The following PCDH11X variants were observed in gnomAD, a reference collection of about 807,000 sequenced individuals.
The protein encoded by PCDH11X is protocadherin-11 X-linked.
In PCDH11X, 18 loss-of-function variants were observed where a neutral mutation model predicts 53.3. That is an observed-to-expected ratio of 0.34 (90% CI 0.23 to 0.50). PCDH11X has a LOEUF of 0.50. PCDH11X is among the 20% of genes least tolerant of loss of function. The pLI is 0.98. For missense variants in PCDH11X, 570 were observed against 1,032.4 expected (o/e 0.55, Z 6.14); for synonymous variants, 279 against 393.3 (o/e 0.71, Z 3.44).
At chrX:91,814,295 A>G (rs1322450225) in intron 4 of PCDH11X, among the ~76,000 whole-genome samples, 2 of 111,417 alleles carry the variant, frequency 1.8e-5, no homozygotes, top group South Asian at 3.7e-4. Context: ...ACCAATCATA[A>G]TATCTATAGA....
At chrX:92,015,096 G>A (rs184517624) in intron 6 of PCDH11X, among the ~76,000 whole-genome samples, 112 of 111,843 alleles carry the variant, frequency 1.0e-3, no homozygotes, top group East Asian at 2.2e-3. Flanking sequence ...AATAATGTGC[G>A]TATCTTAATT....
intron 10 of PCDH11X, among the ~76,000 whole-genome samples, chrX:92,520,612 C>T (rs2074356363): frequency 9.3e-6 from 1 of 107,713 alleles, no homozygotes; most frequent in Non-Finnish European, 1.9e-5. Context: ...CCACACCTGG[C>T]CTGGCAATTT....
intron 8 of PCDH11X, among the ~76,000 whole-genome samples, chrX:92,299,403 T>A (rs1334237206): frequency 9.0e-6 from 1 of 111,470 alleles, no homozygotes; most frequent in African/African-American, 3.3e-5. Flanking sequence ...CCTCTTTACA[T>A]ATCTGGTAGA....
chrX:91,916,114 A>T (rs5941028), intron 6 of PCDH11X, among the ~76,000 whole-genome samples: 23,980 of 110,232 alleles, frequency 0.22, 2,348 homozygotes, highest in Admixed American at 0.48. Flanking sequence ...GAAATTTAAA[A>T]ATTCTTTGAG....
chrX:91,812,571 T>C (rs1483093944), intron 4 of PCDH11X, among the ~76,000 whole-genome samples: 1 of 111,330 alleles, frequency 9.0e-6, no homozygotes, highest in Non-Finnish European at 1.9e-5. Context: ...TCCAAGTCTC[T>C]ACCCAGTTTT....
chrX:92,255,809 G>A (rs763472766), intron 7 of PCDH11X, among the ~76,000 whole-genome samples: 19 of 112,328 alleles, frequency 1.7e-4, no homozygotes, highest in South Asian at 7.4e-4. Context: ...CTCCAGCTGC[G>A]TACTGGGAGA....
At chrX:92,569,981 A>C (rs188395528) in intron 10 of PCDH11X, among the ~76,000 whole-genome samples, 1 of 91,033 alleles carries the variant, frequency 1.1e-5, no homozygotes, top group Admixed American at 1.4e-4. Flanking sequence ...GCACCATTGT[A>C]CTCCAGCCTG....
intron 6 of PCDH11X, among the ~76,000 whole-genome samples, chrX:92,138,955 C>A (rs187548839): frequency 2.0e-4 from 22 of 108,920 alleles, no homozygotes; most frequent in Admixed American, 1.9e-3. Context: ...CTAGGCTTCA[C>A]ATGTACACAA....
At chrX:92,100,324 C>G (rs1021869563) in intron 6 of PCDH11X, among the ~76,000 whole-genome samples, 8 of 110,792 alleles carry the variant, frequency 7.2e-5, no homozygotes, top group East Asian at 2.9e-4. Flanking sequence ...CAGGCGGGCT[C>G]AGTCCTAAAA....
At chrX:91,827,842 C>A (rs2147602218) in intron 4 of PCDH11X, among the ~76,000 whole-genome samples, 1 of 108,997 alleles carries the variant, frequency 9.2e-6, no homozygotes, top group East Asian at 2.9e-4. Flanking sequence ...GTTACTGTAG[C>A]CCTGTAGTAT....
intron 8 of PCDH11X, among the ~76,000 whole-genome samples, chrX:92,288,246 G>A (rs2068422464): frequency 9.0e-6 from 1 of 111,079 alleles, no homozygotes; most frequent in Admixed American, 9.6e-5. Context: ...TTTTAGCCCT[G>A]TTCAAGAGGT....
chrX:92,472,898 T>G (rs2073297584), intron 10 of PCDH11X, among the ~76,000 whole-genome samples: 1 of 110,977 alleles, frequency 9.0e-6, no homozygotes, highest in African/African-American at 3.3e-5. Context: ...TGAATAGGCA[T>G]CTGTTTGTGG....
chrX:91,892,012 G>GTT (rs1940504377), intron 6 of PCDH11X, among the ~76,000 whole-genome samples: 1 of 83,082 alleles, frequency 1.2e-5, no homozygotes, highest in African/African-American at 4.3e-5. Context: ...TAATTAGAGG[G>GTT]GTGTGTGTGT....
chrX:92,325,219 A>G (rs2069302481), intron 8 of PCDH11X, among the ~76,000 whole-genome samples: 1 of 110,510 alleles, frequency 9.0e-6, no homozygotes, highest in South Asian at 3.9e-4. Context: ...TACACTCCTA[A>G]ACTTGGCAAC....
rs1192223196 is a variant in PCDH11X at position 92,288,016 on chromosome X, G to A, written c.3144+24873G>A. 4 of 514,773 alleles carry A rather than the reference G, an allele frequency of 7.8e-6. No homozygotes were observed. The South Asian group carries it at 9.9e-5, about 13-fold the overall frequency. The allele number at this position is 514,773 out of a possible 1,213,427, so 42.4% of individuals were successfully genotyped here. On this transcript the variant is annotated intron_variant, in intron 8 of 10. Coordinates refer to ENST00000682573, the MANE Select transcript of PCDH11X (RefSeq NM_032968.5). ...TCTGCCATGACCGTAAGTTTCCTGA[G>A]GCTTCCCTAGAAGCATAAACCTGTA...
chrX:92,206,238 C>T (rs1331666527), intron 7 of PCDH11X, among the ~76,000 whole-genome samples: 1 of 111,584 alleles, frequency 9.0e-6, no homozygotes, highest in African/African-American at 3.3e-5. Context: ...GAACATTGTG[C>T]TTACCCCTGA....
chrX:92,575,936 T>TACACACACACACACACAC (rs1462543427), intron 10 of PCDH11X, among the ~76,000 whole-genome samples: 1 of 26,213 alleles, frequency 3.8e-5, no homozygotes, highest in African/African-American at 2.0e-4. Flanking sequence ...TATATATATA[T>TACACACACACACACACAC]ATATATATAC....
intron 6 of PCDH11X, among the ~76,000 whole-genome samples, chrX:92,093,405 T>A (rs1381939473): frequency 9.0e-6 from 1 of 111,646 alleles, no homozygotes; most frequent in African/African-American, 3.2e-5. Context: ...ACTATATTAA[T>A]TATGAGATAG....
chrX:92,548,418 G>A (rs960742870), intron 10 of PCDH11X, among the ~76,000 whole-genome samples: 25 of 111,418 alleles, frequency 2.2e-4, no homozygotes, highest in African/African-American at 5.2e-4. Flanking sequence ...CAATCCACTC[G>A]CTTCAGCTTC....
Sources: allele counts gnomAD v4.1 joint callset (sites outside exome capture counted in the v4.1 genomes callset), GRCh38; gene constraint gnomAD v4.1.1; transcripts MANE v1.5; gene names NCBI Gene and HGNC (gene_info 2026-07-23, HGNC 2026-07-21).